GRM5: variants seen among roughly 807,000 people sequenced by gnomAD.
The protein encoded by GRM5 is glutamate metabotropic receptor 5, also known as metabotropic glutamate receptor 5.
GRM5 carries 19 observed loss-of-function variants against 83.1 expected under a neutral mutation model. That is an observed-to-expected ratio of 0.23 (90% CI 0.16 to 0.34). GRM5 has a LOEUF of 0.34. GRM5 is among the 10% of genes least tolerant of loss of function. The pLI, the probability that GRM5 is intolerant of heterozygous loss-of-function variation, is 1.00. For missense variants in GRM5, 1,160 were observed against 1,588.3 expected (o/e 0.73, Z 4.58); for synonymous variants, 675 against 633.6 (o/e 1.07, Z -0.98).
chr11:89,045,186 T>C (rs186255700), intron 2 of GRM5, among the ~76,000 whole-genome samples: 259 of 152,316 alleles, frequency 1.7e-3, no homozygotes, highest in African/African-American at 5.8e-3. Flanking sequence ...GAATTTGGCA[T>C]TGCAATTTCT....
At chr11:88,552,988 T>C (rs1177538871) in intron 8 of GRM5, among the ~76,000 whole-genome samples, 3 of 152,210 alleles carry the variant, frequency 2.0e-5, no homozygotes, top group African/African-American at 7.2e-5. Context: ...CTGCAACTGC[T>C]TAGCTCCAGT....
At chr11:88,826,008 T>C (rs1304447402) in intron 3 of GRM5, among the ~76,000 whole-genome samples, 1 of 152,182 alleles carries the variant, frequency 6.6e-6, no homozygotes, top group African/African-American at 2.4e-5. Flanking sequence ...ATTATTTTTA[T>C]ATAAAAGAAA....
At chr11:88,930,126 T>G (rs1937655942) in intron 2 of GRM5, among the ~76,000 whole-genome samples, 1 of 151,912 alleles carries the variant, frequency 6.6e-6, no homozygotes, top group Non-Finnish European at 1.5e-5. Flanking sequence ...TGATAAAAAA[T>G]AATTTGTGCT....
Position 88,995,667 on chromosome 11 carries a change from G to A in GRM5, c.661+51545C>T, listed in dbSNP as rs578205607. Among the ~76,000 whole-genome samples the A allele has an allele frequency of 5.1e-4, 77 of 151,392 alleles. 1 individual carries two copies. The highest frequency in any genetic ancestry group is 1.8e-3 in the African/African-American group (73 of 41,276). The stretch of plus-strand genomic sequence containing the variant: ...GGACAATTAAAGATTCTCTGGACTT[G>A]ACAACTATGATGGCTGCTGCAATCT... On this transcript the variant is annotated intron_variant, in intron 2 of 9. Transcript: ENST00000305447.
intron 4 of GRM5, among the ~76,000 whole-genome samples, chr11:88,624,755 A>G (rs551354312): frequency 6.6e-6 from 1 of 152,330 alleles, no homozygotes; most frequent in East Asian, 1.9e-4. Context: ...TGCTTCTTAG[A>G]CAATCAATTA....
intron 3 of GRM5, among the ~76,000 whole-genome samples, chr11:88,834,678 T>C (rs1306658664): frequency 6.6e-6 from 1 of 152,220 alleles, no homozygotes; most frequent in Non-Finnish European, 1.5e-5. Flanking sequence ...ATCCAAGTGA[T>C]TGATTAGTTG....
At chr11:88,677,045 T>C (rs1432134759) in intron 3 of GRM5, among the ~76,000 whole-genome samples, 1 of 152,116 alleles carries the variant, frequency 6.6e-6, no homozygotes, top group Non-Finnish European at 1.5e-5. Context: ...AAAGGTTGTA[T>C]GGTAAATTAA....
intron 2 of GRM5, among the ~76,000 whole-genome samples, chr11:88,925,422 T>A (rs778510123): frequency 3.9e-5 from 6 of 152,130 alleles, no homozygotes; most frequent in Non-Finnish European, 7.4e-5. Flanking sequence ...CATTAGCAAC[T>A]TAATTGCTGA....
intron 6 of GRM5, among the ~76,000 whole-genome samples, chr11:88,592,541 A>G (rs1419422799): frequency 1.3e-5 from 2 of 152,144 alleles, no homozygotes; most frequent in African/African-American, 2.4e-5. Flanking sequence ...CCCCACTAGA[A>G]ATACCTTGAT....
chr11:88,885,931 C>T (rs1945037718), intron 2 of GRM5, among the ~76,000 whole-genome samples: 1 of 152,042 alleles, frequency 6.6e-6, no homozygotes, highest in African/African-American at 2.4e-5. Flanking sequence ...CTCTGCCAGC[C>T]ATGTATACTG....
At chr11:88,778,076 G>A (rs1276954523) in intron 3 of GRM5, among the ~76,000 whole-genome samples, 1 of 151,968 alleles carries the variant, frequency 6.6e-6, no homozygotes, top group East Asian at 1.9e-4. Context: ...GAGTCTAGAG[G>A]CAGTAGGCCT....
chr11:88,603,391 T>G (rs757346766), intron 5 of GRM5, among the ~76,000 whole-genome samples: 5 of 152,214 alleles, frequency 3.3e-5, no homozygotes, highest in Non-Finnish European at 7.3e-5. Context: ...CACATGGGAA[T>G]AATAAATTCC....
chr11:88,829,633 G>T (rs973622790), intron 3 of GRM5, among the ~76,000 whole-genome samples: 12 of 152,120 alleles, frequency 7.9e-5, no homozygotes, highest in African/African-American at 2.9e-4. Flanking sequence ...CAATGGGAAA[G>T]AATTCTTTAT....
chr11:89,036,155 G>A (rs1295346574), intron 2 of GRM5, among the ~76,000 whole-genome samples: 1 of 152,036 alleles, frequency 6.6e-6, no homozygotes, highest in Non-Finnish European at 1.5e-5. Context: ...AGATAACCAT[G>A]TTCACAGCTC....
At chr11:88,599,522 C>T (rs934449012) in intron 5 of GRM5, among the ~76,000 whole-genome samples, 4 of 152,124 alleles carry the variant, frequency 2.6e-5, no homozygotes, top group Non-Finnish European at 5.9e-5. Context: ...GAATATTCTC[C>T]CGTTGACTTG....
At chr11:88,631,563 T>C (rs1456422509) in intron 4 of GRM5, among the ~76,000 whole-genome samples, 3 of 152,168 alleles carry the variant, frequency 2.0e-5, no homozygotes, top group African/African-American at 7.2e-5. Context: ...ATAATTATTG[T>C]CTGAGTTGTA....
rs150978928 is a variant in GRM5 at position 88,583,199 on chromosome 11, A to G, written c.1690+7402T>C. On this transcript the variant is annotated intron_variant, in intron 7 of 9. Coordinates refer to ENST00000305447, the MANE Select transcript of GRM5 (RefSeq NM_001143831.3). ...CATTTGTAAAAAGAGAGCAATTCCA[A>G]TGCGGGAGTTATAAAACCTGCCAGT... Among the ~76,000 whole-genome samples the G allele has an allele frequency of 2.6e-3, 389 of 152,184 alleles. 3 individuals carry two copies. The highest frequency in any genetic ancestry group is 8.2e-3 in the African/African-American group (341 of 41,542).
chr11:89,002,391 G>A (rs1178899638), intron 2 of GRM5, among the ~76,000 whole-genome samples: 1 of 152,128 alleles, frequency 6.6e-6, no homozygotes, highest in Non-Finnish European at 1.5e-5. Context: ...GAAGAATCCT[G>A]TTTGGGAGCT....
chr11:88,608,923 T>A (rs1938242770), intron 4 of GRM5, among the ~76,000 whole-genome samples: 1 of 152,220 alleles, frequency 6.6e-6, no homozygotes, highest in African/African-American at 2.4e-5. Flanking sequence ...TAACAAACTG[T>A]CTTCTCTAGA....
Sources: allele counts gnomAD v4.1 joint callset (sites outside exome capture counted in the v4.1 genomes callset), GRCh38; gene constraint gnomAD v4.1.1; transcripts MANE v1.5; gene names NCBI Gene and HGNC (gene_info 2026-07-23, HGNC 2026-07-21).